MYH1: variants seen among roughly 807,000 people sequenced by gnomAD.
MYH1 encodes myosin-1.
MYH1 carries 214 observed loss-of-function variants against 225.6 expected under a neutral mutation model. That is an observed-to-expected ratio of 0.95 (90% CI 0.85 to 1.06). MYH1 has a LOEUF of 1.06. Ranked by LOEUF, MYH1 falls within the 50% of genes least tolerant of loss-of-function variation. MYH1 has a pLI of 0.00. For synonymous variants in MYH1, 774 were observed against 842.3 expected, an observed-to-expected ratio of 0.92 and a Z score of 1.40; for missense variants, 2,098 against 2,344.2, an observed-to-expected ratio of 0.89 and a Z score of 2.17.
At chr17:10,506,758 G>T (rs929651819) in intron 17 of MYH1, among the ~76,000 whole-genome samples, 1 of 152,174 alleles carries the variant, frequency 6.6e-6, no homozygotes, top group South Asian at 2.1e-4. Context: ...CTCCCAAAGT[G>T]CTGGGATTAC....
intron 22 of MYH1, 110 bp from the exon 23 acceptor site, chr17:10,503,358 A>T (rs2073077513): frequency 7.0e-7 from 1 of 1,437,760 alleles, no homozygotes; most frequent in East Asian, 2.4e-5. Flanking sequence ...CTTCAGGTTA[A>T]TTTTTATTAG....
At position 10,512,743 on chromosome 17, in the gene MYH1, C is replaced by A. The variant is rs201099132; in HGVS notation, c.946G>T (p.Val316Phe). ...ITTNPYDYAF[V>F]SQGEITVPSI... ...GGCACTGTGATCTCCCCTTGACTGA[C>A]GAAGGCATAATCGTATGGGTTGGTG... The change falls in exon 11 of 40, where the codon GTC (valine) becomes TTC (phenylalanine). Residue 316 changes from valine (V) to phenylalanine (F), a missense_variant. Coordinates refer to ENST00000226207, the MANE Select transcript of MYH1 (RefSeq NM_005963.4). The A allele has an allele frequency of 1.9e-6, 3 of 1,613,978 alleles. No homozygotes were observed. The highest frequency in any genetic ancestry group is 3.3e-5 in the Admixed American group (2 of 60,012).
intron 24 of MYH1, 64 bp from the exon 25 acceptor site, chr17:10,501,975 T>A (rs1289322152): frequency 1.4e-6 from 2 of 1,465,482 alleles, no homozygotes; most frequent in East Asian, 2.3e-5. Flanking sequence ...CCAGATGAAA[T>A]TTTTAAACAT....
In MYH1 at chr17:10,496,002, G is replaced by A. The variant is rs1280039787; in HGVS notation, c.5117C>T (p.Ala1706Val). The change falls in exon 35 of 40, where the codon GCA (alanine) becomes GTA (valine). Residue 1706 changes from alanine to valine, a missense_variant. Physicochemically the swap from Ala to Val is moderately conservative, Grantham distance 64. Coordinates refer to ENST00000226207, the MANE Select transcript of MYH1 (RefSeq NM_005963.4). ...LEQTERSRKI[A>V]EQELLDASER... ...ACTGGCATCCAGGAGCTCCTGTTCT[G>A]CGATTTTCCTGCTCCTCTCTGTCTG... 18 of 1,613,954 alleles carry A rather than the reference G, an allele frequency of 1.1e-5. No homozygotes were observed. In the Admixed American group the frequency reaches 3.0e-4, roughly 27 times the overall value.
intron 9 of MYH1, 90 bp from the exon 10 acceptor site, chr17:10,513,055 A>C: frequency 9.5e-5 from 77 of 811,216 alleles, no homozygotes; most frequent in Non-Finnish European, 1.2e-4. Flanking sequence ...GCTAAATCTC[A>C]CTGGCCTCTT....
intron 39 of MYH1, among the ~76,000 whole-genome samples, chr17:10,493,395 T>TA (rs1326794495): frequency 6.6e-6 from 1 of 152,062 alleles, no homozygotes; most frequent in African/African-American, 2.4e-5. Flanking sequence ...ATGTCAGGGG[T>TA]AAAATAAAAA....
rs117616137 is a variant in MYH1, at chr17:10,500,677, G to A, written c.3814C>T (p.Arg1272Trp). The A allele has an allele frequency of 0.01, 16,774 of 1,613,904 alleles. 457 individuals carry two copies. Among genetic ancestry groups the A allele is most frequent in the East Asian group, 0.086 (3,861 of 44,874 alleles). ...TGTGCTGTGAGGTCATTGATCAGCC[G>A]CTGCTGCTCCTCTTCCTTGGTCTTA... ...EIKTKEEEQQRLINDLTAQRA... is the reference protein window; with the variant it reads ...EIKTKEEEQQWLINDLTAQRA... Residue 1272 changes from arginine (R) to tryptophan (W), a missense_variant, in exon 28 of 40, where the codon CGG becomes TGG. By Grantham distance (101) the Arg-to-Trp change is moderately radical. Coordinates refer to ENST00000226207, the MANE Select transcript of MYH1 (RefSeq NM_005963.4).
chr17:10,501,987 A>G (rs1435558491), intron 24 of MYH1, 76 bp from the exon 25 acceptor site: 9 of 1,378,096 alleles, frequency 6.5e-6, no homozygotes, highest in African/African-American at 1.5e-5. Context: ...TTTAAACATT[A>G]TATCTATGCA....
chr17:10,514,719 G>A lies in MYH1; in HGVS notation c.533+149C>T, dbSNP rs144078860. Reference sequence around the variant, plus strand: ...TTATTATTTTACATTCTAATGCAATGTAAACCTTATAATAAAGCTAAACCA... The same window carrying A: ...TTATTATTTTACATTCTAATGCAATATAAACCTTATAATAAAGCTAAACCA... On this transcript the variant is annotated intron_variant, in intron 6 of 39. Coordinates refer to ENST00000226207, the MANE Select transcript of MYH1 (RefSeq NM_005963.4). 83 of 746,632 alleles carry A rather than the reference G, an allele frequency of 1.1e-4. No individual in the cohort carries two copies. In the African/African-American group the frequency reaches 1.3e-3, roughly 11 times the overall value. The allele number at this position is 746,632 out of a possible 1,614,324, so 46.3% of individuals were successfully genotyped here. A position where few individuals can be genotyped will look rare whatever the true frequency, so the allele number is the denominator to read the frequency against.
intron 39 of MYH1, among the ~76,000 whole-genome samples, chr17:10,493,811 CT>C (rs1180558199): frequency 2.6e-5 from 4 of 152,138 alleles, no homozygotes; most frequent in Admixed American, 6.6e-5. Context: ...TAGTTTCTAC[CT>C]CCAAAATATG....
chr17:10,514,637 A>G (rs1417440295), intron 6 of MYH1, among the ~76,000 whole-genome samples: 3 of 152,172 alleles, frequency 2.0e-5, no homozygotes, highest in Admixed American at 2.0e-4. Flanking sequence ...TACACTTTCT[A>G]CACACCAAAA....
At position 10,511,982 on chromosome 17, in the gene MYH1, T is replaced by G. The variant is rs779312351; in HGVS notation, c.1273A>C (p.Asn425His). The change falls in exon 14 of 40, where the codon AAT becomes CAT. Residue 425 changes from asparagine to histidine, a missense_variant. Transcript: ENST00000226207. ...TKGQTVQQVY[N>H]AVGALAKAVY... Reference sequence around the variant, plus strand: ...GCTTTGGCCAGAGCACCCACTGCATTGTACACCTTCACAGATAAAGTTTGT... The same window carrying G: ...GCTTTGGCCAGAGCACCCACTGCATGGTACACCTTCACAGATAAAGTTTGT... 1.2e-6 allele frequency: 2 copies of G among 1,614,182 alleles called. No homozygotes were observed. Among genetic ancestry groups the G allele is most frequent in the South Asian group, 1.1e-5 (1 of 91,088 alleles).
In MYH1 at chr17:10,496,427, G is replaced by T; in HGVS notation, c.4779C>A (p.Asn1593Lys). 1 of 1,614,048 alleles carries T rather than the reference G, an allele frequency of 6.2e-7. No homozygotes were observed. Among genetic ancestry groups the T allele is most frequent in the Non-Finnish European group, 8.5e-7 (1 of 1,180,012 alleles). The change falls in exon 34 of 40, where the codon AAC becomes AAA. Residue 1593 changes from asparagine to lysine, a missense_variant. Physicochemically the swap from Asn to Lys is moderately conservative, Grantham distance 94. Coordinates refer to ENST00000226207, the MANE Select transcript of MYH1 (RefSeq NM_005963.4). ...KDEEIDQMKR[N>K]HIRIVESMQS... ...GCATGGACTCCACGATTCTAATGTGGTTTCTCTTCATCTGGTCAATTTCCT... is the reference window on the plus strand; with the variant it reads ...GCATGGACTCCACGATTCTAATGTGTTTTCTCTTCATCTGGTCAATTTCCT...
At chr17:10,496,985 G>A (rs904833352) in intron 33 of MYH1, 84 bp downstream of exon 33, 94 of 1,528,690 alleles carry the variant, frequency 6.1e-5, no homozygotes, top group African/African-American at 2.1e-4. Flanking sequence ...ATTATTTTTC[G>A]TTTCTCTTGA....
intron 24 of MYH1, among the ~76,000 whole-genome samples, chr17:10,502,332 T>C (rs377292267): frequency 1.5e-4 from 23 of 152,352 alleles, no homozygotes; most frequent in African/African-American, 5.3e-4. Flanking sequence ...GTGTCCTTTG[T>C]TTCTGTGAGA....
chr17:10,498,609 C>T lies in MYH1; in HGVS notation c.4181+17G>A. 7 of 1,613,784 alleles carry T rather than the reference C, an allele frequency of 4.3e-6. No individual in the cohort carries two copies. Among genetic ancestry groups the T allele is most frequent in the Non-Finnish European group, 5.9e-6 (7 of 1,179,758 alleles). ...AAGGAAACTTATAGTTCCATTTTAA[C>T]TAAGTCTGGAACATACTTGGCCTCC... is the stretch of plus-strand genomic sequence containing the variant. On this transcript the variant is annotated intron_variant, in intron 30 of 39. Coordinates refer to ENST00000226207, the MANE Select transcript of MYH1 (RefSeq NM_005963.4).
chr17:10,517,686 C>T (rs960895683), intron 2 of MYH1, among the ~76,000 whole-genome samples: 2 of 151,710 alleles, frequency 1.3e-5, no homozygotes, highest in Non-Finnish European at 1.5e-5. Context: ...AATCATGTTT[C>T]GTATTGTGTG....
chr17:10,516,783 G>T, intron 2 of MYH1, 101 bp from the exon 3 acceptor site: 1 of 993,026 alleles, frequency 1.0e-6, no homozygotes, highest in Non-Finnish European at 1.5e-6. Context: ...TGAGTGCTTA[G>T]CATTGCATTG....
Position 10,505,033 on chromosome 17 carries a change from C to T in MYH1, c.2468G>A (p.Arg823His), listed in dbSNP as rs745892725. The change falls in exon 22 of 40, where the codon CGT becomes CAT. Residue 823 changes from arginine to histidine, a missense_variant. Coordinates refer to ENST00000226207, the MANE Select transcript of MYH1 (RefSeq NM_005963.4). ...ESIFCIQYNV[R>H]AFMNVKHWPW... ...CCAGTGCTTCACATTCATGAAGGCA[C>T]GGACATTGTACTGGATGCAGAAGAT... 3.1e-5 allele frequency: 50 copies of T among 1,614,022 alleles called. 2 individuals carry two copies. Among genetic ancestry groups the T allele is most frequent in the South Asian group, 6.6e-5 (6 of 91,084 alleles).
Sources: gnomAD v4.1 joint callset for allele counts (sites outside exome capture counted in the v4.1 genomes callset) on GRCh38, gnomAD v4.1.1 for gene constraint, MANE v1.5 for transcripts, NCBI Gene and HGNC (gene_info 2026-07-23, HGNC 2026-07-21) for gene names.